COG4: variants seen among roughly 807,000 people sequenced by gnomAD.
The protein encoded by COG4 is conserved oligomeric Golgi complex subunit 4.
A neutral mutation model predicts 95.1 loss-of-function variants in COG4; 65 were observed. The ratio of observed to expected loss-of-function variants is 0.68; its 90% CI spans 0.56 to 0.84. COG4 has a LOEUF of 0.84. COG4 is among the 40% of genes least tolerant of loss of function. The pLI, the probability that COG4 is intolerant of heterozygous loss-of-function variation, is 0.00. For synonymous variants in COG4, 421 were observed against 374.8 expected, an observed-to-expected ratio of 1.12 and a Z score of -1.42; for missense variants, 1,045 against 989.1, an observed-to-expected ratio of 1.06 and a Z score of -0.76.
At chr16:70,488,714 A>AT (rs1218984135) in intron 13 of COG4, among the ~76,000 whole-genome samples, 5 of 151,610 alleles carry the variant, frequency 3.3e-5, no homozygotes, top group African/African-American at 7.3e-5. Flanking sequence ...CACCCAGCTA[A>AT]TTTTTTTTGT....
In COG4 at chr16:70,481,130, G is replaced by A. The variant is rs938661433; in HGVS notation, c.2250C>T (p.Leu750=). ...GGCCGGAATTGGGTCCCCAGTAATCGAGGATCTCGGTCACCTGTGGGGAAG... is the reference window on the plus strand; with the variant it reads ...GGCCGGAATTGGGTCCCCAGTAATCAAGGATCTCGGTCACCTGTGGGGAAG... ...ILNLERVTEI[L]DYWGPNSGPL... The change falls in exon 19 of 19, where the codon CTC becomes CTT. Residue 750 remains leucine (L), a synonymous_variant. Coordinates refer to ENST00000323786, the MANE Select transcript of COG4 (RefSeq NM_015386.3). The A allele has an allele frequency of 5.0e-6, 8 of 1,613,336 alleles. No homozygotes were observed. Among genetic ancestry groups the A allele is most frequent in the Non-Finnish European group, 6.8e-6 (8 of 1,179,994 alleles).
chr16:70,510,727 C>T (rs1436871309), intron 5 of COG4, among the ~76,000 whole-genome samples: 2 of 150,598 alleles, frequency 1.3e-5, no homozygotes, highest in Admixed American at 6.6e-5. Flanking sequence ...TCCCAGATGT[C>T]AAAGTATACT....
At chr16:70,490,143 C>T (rs2049214522) in intron 13 of COG4, among the ~76,000 whole-genome samples, 187 bp downstream of exon 13, 1 of 152,256 alleles carries the variant, frequency 6.6e-6, no homozygotes, top group African/African-American at 2.4e-5. Flanking sequence ...GAATTCTGAT[C>T]TTCCAACTCC....
intron 4 of COG4, among the ~76,000 whole-genome samples, chr16:70,512,882 G>A (rs1243840952): frequency 6.6e-6 from 1 of 152,206 alleles, no homozygotes; most frequent in African/African-American, 2.4e-5. Flanking sequence ...GGAGGCTGAG[G>A]CAGAAGAATC....
At chr16:70,506,623 A>AAAC (rs1567387174) in intron 8 of COG4, among the ~76,000 whole-genome samples, 12 of 133,248 alleles carry the variant, frequency 9.0e-5, no homozygotes, top group Non-Finnish European at 1.8e-4. Context: ...AAAAACAAAA[A>AAAC]AAAAAACATT....
chr16:70,513,978 C>T (rs535064127), intron 4 of COG4, among the ~76,000 whole-genome samples: 3 of 152,090 alleles, frequency 2.0e-5, no homozygotes, highest in East Asian at 1.9e-4. Flanking sequence ...GAGGCCAAGG[C>T]GGGCAGATCA....
At chr16:70,483,758 C>T in intron 14 of COG4, 95 bp downstream of exon 14, 2 of 983,052 alleles carry the variant, frequency 2.0e-6, no homozygotes, top group Non-Finnish European at 1.7e-6. Context: ...CTCACCCGTC[C>T]TCCTGGCTTC....
chr16:70,481,854 G>C lies in COG4; in HGVS notation c.2016C>G (p.Ser672=), dbSNP rs1015547525. ...QQMAEFKASL[S]PVIYDSLTGL... Reference sequence around the variant, plus strand: ...CGGTTAGGCTGTCGTAGATGACCGGGGACAGGCTGGCCTGCACACAGAGGG... The same window carrying C: ...CGGTTAGGCTGTCGTAGATGACCGGCGACAGGCTGGCCTGCACACAGAGGG... The change falls in exon 17 of 19, where the codon TCC becomes TCG. Residue 672 remains serine, a synonymous_variant. Coordinates refer to ENST00000323786, the MANE Select transcript of COG4 (RefSeq NM_015386.3). 1.9e-6 allele frequency: 3 copies of C among 1,613,420 alleles called. No individual in the cohort carries two copies. Among genetic ancestry groups the C allele is most frequent in the African/African-American group, 2.7e-5 (2 of 74,918 alleles).
rs192654954 is a variant in COG4, at chr16:70,520,965, T to C, written c.172-1234A>G. Among the ~76,000 whole-genome samples the C allele has an allele frequency of 1.9e-3, 291 of 152,284 alleles. 1 individual carries two copies. Among genetic ancestry groups the C allele is most frequent in the African/African-American group, 6.5e-3 (271 of 41,562 alleles). ...AACAGCCATTAAAATTAACCATACA[T>C]TTTTATTTTTTGCGGGGGCTCAAGT... On this transcript the variant is annotated intron_variant, in intron 1 of 18. Coordinates refer to ENST00000323786, the MANE Select transcript of COG4 (RefSeq NM_015386.3).
intron 4 of COG4, 36 bp from the exon 5 acceptor site, chr16:70,512,468 G>C (rs113540291): frequency 2.1e-5 from 33 of 1,567,522 alleles, no homozygotes; most frequent in African/African-American, 1.6e-4. Context: ...TTCAAGTAAA[G>C]AATAGTACTG....
Position 70,481,191 on chromosome 16 carries a change from G to C in COG4, c.2236-47C>G, listed in dbSNP as rs1320447282. On this transcript the variant is annotated intron_variant, in intron 18 of 18. Coordinates refer to ENST00000323786, the MANE Select transcript of COG4 (RefSeq NM_015386.3). ...CCAGTCAGCAAGGTGGGGTTATTCT[G>C]AAAGAGGGCTCTGGCCTCTACCAGG... The C allele has an allele frequency of 1.9e-6, 3 of 1,612,902 alleles. No individual in the cohort carries two copies. The Admixed American group carries it at 5.0e-5, about 27-fold the overall frequency.
intron 13 of COG4, among the ~76,000 whole-genome samples, chr16:70,487,893 C>T (rs1304002597): frequency 6.6e-6 from 1 of 151,980 alleles, no homozygotes; most frequent in Non-Finnish European, 1.5e-5. Flanking sequence ...TGCACGATCT[C>T]GGCTTGCTGC....
intron 12 of COG4, among the ~76,000 whole-genome samples, chr16:70,491,756 G>A (rs1456658462): frequency 6.8e-6 from 1 of 147,998 alleles, no homozygotes; most frequent in African/African-American, 2.5e-5. Context: ...CTTGGGAGGC[G>A]TAGGTTGCAG....
At chr16:70,522,626 AAACAGCTGAC>A (rs1450300748) in intron 1 of COG4, among the ~76,000 whole-genome samples, 1 of 152,234 alleles carries the variant, frequency 6.6e-6, no homozygotes, top group Non-Finnish European at 1.5e-5. Flanking sequence ...TTGGTCTGGG[AAACAGCTGAC>A]AAGCTTAGAG....
Position 70,512,386 on chromosome 16 carries a change from T to C in COG4, c.591A>G (p.Gln197=), listed in dbSNP as rs886052260. 1.2e-6 allele frequency: 2 copies of C among 1,614,020 alleles called. No homozygotes were observed. Among genetic ancestry groups the C allele is most frequent in the Non-Finnish European group, 8.5e-7 (1 of 1,180,020 alleles). The change falls in exon 5 of 19, where the codon CAA becomes CAG. Residue 197 remains glutamine (Q), a synonymous_variant. Coordinates refer to ENST00000323786, the MANE Select transcript of COG4 (RefSeq NM_015386.3). Reference sequence around the variant, plus strand: ...TCTCTGCCACAATGGCTTTGAGACGTTGCTCAGCTTCCTGCAGCAATTTCA... The same window carrying C: ...TCTCTGCCACAATGGCTTTGAGACGCTGCTCAGCTTCCTGCAGCAATTTCA... ...ANLKLLQEAE[Q]RLKAIVAEKF... is the part of the protein sequence containing the mutation.
Position 70,514,525 on chromosome 16 carries a change from G to A in COG4, c.370-16C>T. The A allele has an allele frequency of 6.2e-7, 1 of 1,612,732 alleles. No individual in the cohort carries two copies. Among genetic ancestry groups the A allele is most frequent in the Admixed American group, 1.7e-5 (1 of 59,994 alleles). ...AGAGGCGGTTCTGCAAAAAGATTTG[G>A]TACTTACAAACAATGTCCTATTCTT... On this transcript the variant is annotated splice_polypyrimidine_tract_variant and intron_variant, in intron 3 of 18. Transcript: ENST00000323786.
chr16:70,482,366 A>T, intron 15 of COG4, 191 bp from the exon 16 acceptor site: 1 of 663,586 alleles, frequency 1.5e-6, no homozygotes, highest in East Asian at 2.7e-5. Context: ...CCAGGGCTGT[A>T]GCAGTGGCCC....
In COG4 at chr16:70,509,101, T is replaced by A. The variant is rs557392100; in HGVS notation, c.1002+130A>T. ...TGTCAATGGGCAAGATGCAGGCCAG[T>A]GTGCGCTTAGCATTTATTTTTCTCC... is the stretch of plus-strand genomic sequence containing the variant. On this transcript the variant is annotated intron_variant, in intron 7 of 18. Coordinates refer to ENST00000323786, the MANE Select transcript of COG4 (RefSeq NM_015386.3). 7 of 1,143,950 alleles carry A rather than the reference T, an allele frequency of 6.1e-6. No homozygotes were observed. The East Asian group carries it at 1.7e-4, about 27-fold the overall frequency. The allele number at this position is 1,143,950 out of a possible 1,614,324, so 70.9% of individuals were successfully genotyped here.
intron 17 of COG4, 120 bp downstream of exon 17, chr16:70,481,644 C>G (rs2048994936): frequency 1.5e-6 from 2 of 1,365,028 alleles, no homozygotes; most frequent in Admixed American, 3.7e-5. Flanking sequence ...AGGACTGGAC[C>G]CAGACATGCA....
Sources: allele counts gnomAD v4.1 joint callset (sites outside exome capture counted in the v4.1 genomes callset), GRCh38; gene constraint gnomAD v4.1.1; transcripts MANE v1.5; gene names NCBI Gene and HGNC (gene_info 2026-07-23, HGNC 2026-07-21).